Variants in POLA1 observed in about 807,000 individuals in gnomAD.
POLA1 encodes DNA polymerase alpha 1, catalytic subunit.
In POLA1, 15 loss-of-function variants were observed where a neutral mutation model predicts 124.0. The ratio of observed to expected loss-of-function variants is 0.12; its 90% confidence interval spans 0.08 to 0.19. POLA1 has a LOEUF of 0.19. Ranked by LOEUF, POLA1 falls within the 10% of genes least tolerant of loss-of-function variation. The probability of loss-of-function intolerance (pLI) is 1.00; values close to 1 mark genes in which losing one functional copy is unlikely to be tolerated. For synonymous variants in POLA1, 408 were observed against 389.4 expected, an observed-to-expected ratio of 1.05 and a Z score of -0.56; for missense variants, 886 against 1,103.4, an observed-to-expected ratio of 0.80 and a Z score of 2.79.
At chrX:24,890,735 C>CT (rs975682362) in intron 35 of POLA1, among the ~76,000 whole-genome samples, 7 of 112,109 alleles carry the variant, frequency 6.2e-5, no homozygotes, top group Middle Eastern at 4.7e-3. Flanking sequence ...GTTCCTTGCC[C>CT]TTTTTTTGGT....
At chrX:24,972,946 C>A (rs2048320834) in intron 36 of POLA1, among the ~76,000 whole-genome samples, 1 of 112,206 alleles carries the variant, frequency 8.9e-6, no homozygotes, top group Non-Finnish European at 1.9e-5. Flanking sequence ...TTCCATTAGC[C>A]AATTCTGGCT....
At chrX:24,829,707 C>A (rs2046232732) in intron 32 of POLA1, among the ~76,000 whole-genome samples, 1 of 111,926 alleles carries the variant, frequency 8.9e-6, no homozygotes, top group African/African-American at 3.2e-5. Flanking sequence ...CTTCGAGGCC[C>A]CTGTTATCAG....
At chrX:24,887,226 C>G in intron 34 of POLA1, among the ~76,000 whole-genome samples, 1 of 111,991 alleles carries the variant, frequency 8.9e-6, no homozygotes, top group Non-Finnish European at 1.9e-5. Context: ...TAGGTATATT[C>G]TTATCACATC....
At chrX:24,907,625 C>A (rs1278932842) in intron 35 of POLA1, among the ~76,000 whole-genome samples, 1 of 111,550 alleles carries the variant, frequency 9.0e-6, no homozygotes, top group Non-Finnish European at 1.9e-5. Context: ...TTTCTATGTC[C>A]AGCAAAAAAT....
At chrX:24,968,945 G>A (rs1020544766) in intron 36 of POLA1, among the ~76,000 whole-genome samples, 2 of 109,912 alleles carry the variant, frequency 1.8e-5, no homozygotes, top group Non-Finnish European at 1.9e-5. Flanking sequence ...GCGGTGGCTC[G>A]CGCATGTAAT....
chrX:24,967,320 C>T (rs960636049), intron 36 of POLA1, among the ~76,000 whole-genome samples: 4 of 109,462 alleles, frequency 3.7e-5, no homozygotes, highest in African/African-American at 6.7e-5. Flanking sequence ...GTATACTTTT[C>T]GTACATAGAT....
chrX:24,767,279 C>T (rs1047079662), intron 26 of POLA1, among the ~76,000 whole-genome samples: 2 of 111,499 alleles, frequency 1.8e-5, no homozygotes, highest in Non-Finnish European at 3.8e-5. Context: ...ATGGTAATGC[C>T]TCCTAATTTA....
chrX:24,972,959 G>C (rs2048321194), intron 36 of POLA1, among the ~76,000 whole-genome samples: 1 of 112,384 alleles, frequency 8.9e-6, no homozygotes, highest in South Asian at 3.7e-4. Context: ...TTCTGGCTTA[G>C]ATATTGGAGA....
chrX:24,786,814 A>G lies in POLA1; in HGVS notation c.2965-23084A>G, dbSNP rs376177359. On this transcript the variant is annotated intron_variant, in intron 26 of 36. Transcript: ENST00000379068. ...GAGATCCTCCCACCTCAGCCACCCC[A>G]GTAGCTGGGACTACAGGCATAGGCG... Among the ~76,000 whole-genome samples, 8 of 103,390 alleles carry G rather than the reference A, an allele frequency of 7.7e-5. No individual in the cohort carries two copies. The East Asian group carries it at 1.8e-3, about 24-fold the overall frequency. 89.8% of individuals were successfully genotyped at this position (103,390 alleles called of 115,157 possible).
chrX:24,707,797 C>T (rs1204810206), intron 4 of POLA1, among the ~76,000 whole-genome samples: 1 of 111,729 alleles, frequency 9.0e-6, no homozygotes, highest in Admixed American at 9.5e-5. Flanking sequence ...AGTTCAAGAC[C>T]AGCCTGGCCA....
chrX:24,994,432 G>A (rs1330231698), intron 36 of POLA1, among the ~76,000 whole-genome samples: 1 of 112,447 alleles, frequency 8.9e-6, no homozygotes, highest in Non-Finnish European at 1.9e-5. Flanking sequence ...TGAGTGGCGC[G>A]CTCTCCCCTC....
At chrX:24,824,252 G>A (rs182846688) in intron 31 of POLA1, among the ~76,000 whole-genome samples, 47 of 110,565 alleles carry the variant, frequency 4.3e-4, no homozygotes, top group Admixed American at 7.7e-4. Flanking sequence ...ATACCATGGG[G>A]CCCTGCTCAG....
chrX:24,720,656 C>A, intron 10 of POLA1, among the ~76,000 whole-genome samples: 1 of 111,838 alleles, frequency 8.9e-6, no homozygotes, highest in Middle Eastern at 4.6e-3. Flanking sequence ...GCGTCAGTTG[C>A]CAAGGATTAG....
Position 24,995,661 on chromosome X carries a change from G to A in POLA1, c.4262-144G>A. On this transcript the variant is annotated intron_variant, in intron 36 of 36. Coordinates refer to ENST00000379068, the MANE Select transcript of POLA1 (RefSeq NM_001330360.2). ...TTTCACAGAGGAATGGTCGGCGGGGGCTGCATCTGACTGGCCCCAGGGGTA... is the reference window on the plus strand; with the variant it reads ...TTTCACAGAGGAATGGTCGGCGGGGACTGCATCTGACTGGCCCCAGGGGTA... The A allele has an allele frequency of 1.0e-5, 5 of 499,226 alleles. No homozygotes were observed. The South Asian group carries it at 1.8e-4, about 18-fold the overall frequency. 41.1% of individuals were successfully genotyped at this position (499,226 alleles called of 1,213,427 possible).
chrX:24,920,806 C>G (rs2047605580), intron 35 of POLA1, among the ~76,000 whole-genome samples: 1 of 112,197 alleles, frequency 8.9e-6, no homozygotes, highest in South Asian at 3.7e-4. Flanking sequence ...TGACATTAAT[C>G]TATCATGCTG....
intron 34 of POLA1, among the ~76,000 whole-genome samples, chrX:24,871,799 G>A (rs2046869206): frequency 9.0e-6 from 1 of 111,413 alleles, no homozygotes; most frequent in African/African-American, 3.3e-5. Context: ...TAAGACTTAT[G>A]TTAGGGAAGG....
At chrX:24,881,061 T>C (rs369932754) in intron 34 of POLA1, among the ~76,000 whole-genome samples, 3 of 111,720 alleles carry the variant, frequency 2.7e-5, no homozygotes, top group East Asian at 5.6e-4. Context: ...AGCCTCCTCT[T>C]CCCCTGCTGC....
Position 24,717,777 on chromosome X carries a change from A to T in POLA1, c.1087+19A>T. The T allele has an allele frequency of 1.9e-6, 2 of 1,048,778 alleles. No individual in the cohort carries two copies. The highest frequency in any genetic ancestry group is 5.4e-5 in the Admixed American group (2 of 37,365). 86.4% of individuals were successfully genotyped at this position (1,048,778 alleles called of 1,213,427 possible). A position where few individuals can be genotyped will look rare whatever the true frequency, so the allele number is the denominator to read the frequency against. ...CAACCAGGTAATCATATATAAGGTAACTATATGCCTTTAACTCAGAGTAGG... is the reference window on the plus strand; with the variant it reads ...CAACCAGGTAATCATATATAAGGTATCTATATGCCTTTAACTCAGAGTAGG... On this transcript the variant is annotated intron_variant, in intron 10 of 36. Coordinates refer to ENST00000379068, the MANE Select transcript of POLA1 (RefSeq NM_001330360.2).
chrX:24,696,670 G>T (rs762509199), intron 1 of POLA1, among the ~76,000 whole-genome samples: 1 of 111,497 alleles, frequency 9.0e-6, no homozygotes, highest in South Asian at 3.8e-4. Flanking sequence ...AGGGATGGGG[G>T]CCGGATTTCA....
Sources: gnomAD v4.1 joint callset for allele counts (sites outside exome capture counted in the v4.1 genomes callset) on GRCh38, gnomAD v4.1.1 for gene constraint, MANE v1.5 for transcripts, NCBI Gene and HGNC (gene_info 2026-07-23, HGNC 2026-07-21) for gene names.